Variants in RARB observed in about 807,000 individuals in gnomAD.
RARB encodes the protein HBV-activated protein.
A neutral mutation model predicts 51.9 loss-of-function variants in RARB; 17 were observed. The ratio of observed to expected loss-of-function variants is 0.33; its 90% CI spans 0.22 to 0.49. The LOEUF (loss-of-function observed/expected upper bound fraction) is 0.49. Among genes scored for constraint, RARB ranks in the 20% least tolerant of loss-of-function variants. The probability of loss-of-function intolerance (pLI) is 0.99; values close to 1 mark genes in which losing one functional copy is unlikely to be tolerated. For missense variants in RARB, 369 were observed against 550.8 expected, an observed-to-expected ratio of 0.67 and a Z score of 3.30; for synonymous variants, 215 against 195.4, an observed-to-expected ratio of 1.10 and a Z score of -0.84.
chr3:25,515,512 G>A (rs1402383488), intron 3 of RARB, among the ~76,000 whole-genome samples: 1 of 152,138 alleles, frequency 6.6e-6, no homozygotes, highest in Non-Finnish European at 1.5e-5. Context: ...AATCCTGGGG[G>A]GGAGGGGGAA....
chr3:24,846,008 G>C (rs574220536), intron 1 of RARB, among the ~76,000 whole-genome samples: 11 of 152,314 alleles, frequency 7.2e-5, no homozygotes, highest in African/African-American at 2.6e-4. Context: ...ACTTACCACA[G>C]GAGGAGCTGA....
intron 2 of RARB, among the ~76,000 whole-genome samples, chr3:25,056,889 T>G (rs1307188539): frequency 2.6e-5 from 4 of 152,052 alleles, no homozygotes; most frequent in African/African-American, 7.2e-5. Flanking sequence ...TAATGACGAG[T>G]GACTCGCTAA....
intron 1 of RARB, among the ~76,000 whole-genome samples, chr3:24,832,720 T>A (rs1020408207): frequency 1.4e-4 from 21 of 149,516 alleles, no homozygotes; most frequent in Admixed American, 4.7e-4. Flanking sequence ...CAATAACATA[T>A]GAGAAGTGTC....
At chr3:24,933,164 A>G (rs1452557822) in intron 2 of RARB, among the ~76,000 whole-genome samples, 1 of 152,030 alleles carries the variant, frequency 6.6e-6, no homozygotes, top group Non-Finnish European at 1.5e-5. Context: ...AAAAAACAAT[A>G]AAAATATGCA....
chr3:24,834,677 T>G (rs1468540137), intron 1 of RARB, among the ~76,000 whole-genome samples: 3 of 152,180 alleles, frequency 2.0e-5, no homozygotes, highest in Non-Finnish European at 2.9e-5. Context: ...CAAGTGATCA[T>G]TCAGTGGTAT....
chr3:24,874,185 C>T (rs757300702), intron 2 of RARB, among the ~76,000 whole-genome samples: 1 of 151,970 alleles, frequency 6.6e-6, no homozygotes, highest in Non-Finnish European at 1.5e-5. Flanking sequence ...GGGATGACTA[C>T]TTTCATCAGA....
chr3:25,303,163 C>G (rs1704080568), intron 5 of RARB, among the ~76,000 whole-genome samples: 1 of 152,134 alleles, frequency 6.6e-6, no homozygotes, highest in Admixed American at 6.6e-5. Context: ...AGTTCCAGCC[C>G]CAAAGCCTAT....
At chr3:24,886,141 G>T (rs575811143) in intron 2 of RARB, among the ~76,000 whole-genome samples, 77 of 152,214 alleles carry the variant, frequency 5.1e-4, no homozygotes, top group South Asian at 1.2e-3. Context: ...CATAGCTAAG[G>T]CTGGAAAACA....
intron 5 of RARB, among the ~76,000 whole-genome samples, chr3:25,198,056 G>C (rs1701290953): frequency 6.6e-6 from 1 of 151,958 alleles, no homozygotes; most frequent in Non-Finnish European, 1.5e-5. Flanking sequence ...AAACAGCATG[G>C]TACTGGCACA....
intron 2 of RARB, among the ~76,000 whole-genome samples, chr3:24,908,548 A>G (rs1045977586): frequency 6.6e-6 from 1 of 151,990 alleles, no homozygotes; most frequent in Admixed American, 6.6e-5. Flanking sequence ...TTTTGTTTGG[A>G]AATGCTTTCT....
chr3:24,941,330 ATATTT>A (rs765553209), intron 2 of RARB, among the ~76,000 whole-genome samples: 37 of 152,074 alleles, frequency 2.4e-4, no homozygotes, highest in Non-Finnish European at 4.9e-4. Context: ...TTCTTAAATG[ATATTT>A]TAATGCAAAA....
intron 5 of RARB, among the ~76,000 whole-genome samples, chr3:25,313,309 G>A (rs1008394097): frequency 2.2e-4 from 34 of 152,050 alleles, no homozygotes; most frequent in African/African-American, 8.0e-4. Flanking sequence ...ATGCATATGT[G>A]GTTCAGGTTG....
intron 2 of RARB, among the ~76,000 whole-genome samples, chr3:25,003,418 T>G (rs925185985): frequency 6.6e-6 from 1 of 152,126 alleles, no homozygotes; most frequent in Non-Finnish European, 1.5e-5. Flanking sequence ...TAAAATATAA[T>G]GCTGGTAATG....
At chr3:25,500,861 G>T (rs1272650294) in intron 2 of RARB, among the ~76,000 whole-genome samples, 8 of 152,118 alleles carry the variant, frequency 5.3e-5, no homozygotes, top group Non-Finnish European at 7.3e-5. Context: ...TCGTCAGCAA[G>T]GGAGCCAGTT....
Position 25,198,480 on chromosome 3 carries a change from G to C in RARB, c.178+23905G>C, listed in dbSNP as rs149084785. 5.2e-3 allele frequency among the ~76,000 whole-genome samples: 787 copies of C among 152,132 alleles called. 5 individuals carry two copies. The highest frequency in any genetic ancestry group is 0.017 in the African/African-American group (721 of 41,514). On this transcript the variant is annotated intron_variant, in intron 5 of 11. Transcript: ENST00000383772. ...GAGGAAACAATCAACAAAGTGAAGA[G>C]ACAACCCACAGAATGGGAGAAAATA...
intron 3 of RARB, among the ~76,000 whole-genome samples, chr3:25,537,949 T>C (rs1559456970): frequency 6.6e-6 from 1 of 152,232 alleles, no homozygotes; most frequent in Non-Finnish European, 1.5e-5. Context: ...GCTACTTTAC[T>C]GAGTTAACTC....
In RARB at chr3:25,241,848, AATG is replaced by A. The variant is rs1331649640; in HGVS notation, c.178+67274_178+67276del. Among the ~76,000 whole-genome samples, 3 of 152,310 alleles carry A rather than the reference AATG, an allele frequency of 2.0e-5. No individual in the cohort carries two copies. The East Asian group carries it at 5.8e-4, about 29-fold the overall frequency. On this transcript the variant is annotated intron_variant, in intron 5 of 11. Transcript: ENST00000383772. ...ACCCAGTAATGGGATTGCTAGGTCAAATGGTATTTCTAGTTCTAGATCCTTGAG... is the reference window on the plus strand; with the variant it reads ...ACCCAGTAATGGGATTGCTAGGTCAAGTATTTCTAGTTCTAGATCCTTGAG...
At chr3:25,121,308 A>T in intron 3 of RARB, among the ~76,000 whole-genome samples, 1 of 152,174 alleles carries the variant, frequency 6.6e-6, no homozygotes, top group East Asian at 1.9e-4. Flanking sequence ...AACTCCCAAG[A>T]ATAAACCAGA....
chr3:24,977,239 T>C (rs922752387), intron 2 of RARB, among the ~76,000 whole-genome samples: 1 of 152,232 alleles, frequency 6.6e-6, no homozygotes, highest in Non-Finnish European at 1.5e-5. Flanking sequence ...GACTTGGCTA[T>C]ATGGGCTCTT....
Sources: allele counts gnomAD v4.1 joint callset (sites outside exome capture counted in the v4.1 genomes callset), GRCh38; gene constraint gnomAD v4.1.1; transcripts MANE v1.5; gene names NCBI Gene and HGNC (gene_info 2026-07-23, HGNC 2026-07-21).